PPP2R2B: variants seen among roughly 807,000 people sequenced by gnomAD.
PPP2R2B encodes the protein serine/threonine-protein phosphatase 2A 55 kDa regulatory subunit B beta isoform.
PPP2R2B carries 5 observed loss-of-function variants against 46.0 expected under a neutral mutation model. That is an observed-to-expected ratio of 0.11 (90% CI 0.06 to 0.23). The LOEUF (loss-of-function observed/expected upper bound fraction) is 0.23, where lower values mean the gene tolerates loss of function less well. Ranked by LOEUF, PPP2R2B falls within the 10% of genes least tolerant of loss-of-function variation. The pLI, the probability that PPP2R2B is intolerant of heterozygous loss-of-function variation, is 1.00. For synonymous variants in PPP2R2B, 215 were observed against 206.7 expected, an observed-to-expected ratio of 1.04 and a Z score of -0.34; for missense variants, 367 against 575.0, an observed-to-expected ratio of 0.64 and a Z score of 3.70.
chr5:146,783,671 T>C (rs908097376), intron 2 of PPP2R2B, among the ~76,000 whole-genome samples: 1 of 152,234 alleles, frequency 6.6e-6, no homozygotes, highest in African/African-American at 2.4e-5. Flanking sequence ...TGGATGCTTG[T>C]CTTTGCAATG....
intron 2 of PPP2R2B, among the ~76,000 whole-genome samples, chr5:147,079,441 T>TACAC (rs1757902881): frequency 2.1e-5 from 1 of 47,976 alleles, no homozygotes; most frequent in Non-Finnish European, 4.5e-5. Flanking sequence ...ATTTTATATA[T>TACAC]ATACATATAT....
chr5:146,977,186 TTA>T (rs1752950623), intron 1 of PPP2R2B, among the ~76,000 whole-genome samples: 1 of 152,088 alleles, frequency 6.6e-6, no homozygotes, highest in African/African-American at 2.4e-5. Flanking sequence ...CAAGCTCCCA[TTA>T]TATTATCCTT....
At chr5:146,785,983 A>G (rs945498572) in intron 2 of PPP2R2B, among the ~76,000 whole-genome samples, 1 of 152,166 alleles carries the variant, frequency 6.6e-6, no homozygotes, top group African/African-American at 2.4e-5. Context: ...GGGTGACTAC[A>G]GTTATCAATA....
Position 146,667,270 on chromosome 5 carries a change from A to G in PPP2R2B, c.448-16546T>C, listed in dbSNP as rs928988325. Among the ~76,000 whole-genome samples, 4 of 152,036 alleles carry G rather than the reference A, an allele frequency of 2.6e-5. No homozygotes were observed. The East Asian group carries it at 7.7e-4, about 29-fold the overall frequency. On this transcript the variant is annotated intron_variant, in intron 5 of 9. Coordinates refer to ENST00000394411, the MANE Select transcript of PPP2R2B (RefSeq NM_181675.4). ...GTTATATGAAGTGGATGAAGATGAA[A>G]TAACTCCAGAGAAGAAGGTTTGCTG...
At chr5:146,909,248 C>A (rs1014576786) in intron 1 of PPP2R2B, among the ~76,000 whole-genome samples, 19 of 152,314 alleles carry the variant, frequency 1.2e-4, no homozygotes, top group African/African-American at 4.1e-4. Flanking sequence ...GACATTCCCC[C>A]ACACTAACAT....
chr5:147,052,644 C>G (rs1332747139), intron 1 of PPP2R2B, among the ~76,000 whole-genome samples: 1 of 151,962 alleles, frequency 6.6e-6, no homozygotes, highest in Non-Finnish European at 1.5e-5. Context: ...TTTGAGGAAC[C>G]AAAGAAGGCC....
intron 7 of PPP2R2B, among the ~76,000 whole-genome samples, chr5:146,621,739 C>G (rs1773715802): frequency 6.6e-6 from 1 of 152,234 alleles, no homozygotes; most frequent in Non-Finnish European, 1.5e-5. Flanking sequence ...CTTCCACAGT[C>G]ACTCTAGAAC....
intron 1 of PPP2R2B, among the ~76,000 whole-genome samples, chr5:146,985,521 C>T (rs751903897): frequency 6.6e-6 from 1 of 152,098 alleles, no homozygotes; most frequent in African/African-American, 2.4e-5. Flanking sequence ...TTTCTTCTAG[C>T]GGCTTTGCAC....
intron 1 of PPP2R2B, among the ~76,000 whole-genome samples, chr5:146,895,702 T>C (rs899764605): frequency 2.0e-5 from 3 of 152,214 alleles, no homozygotes; most frequent in East Asian, 3.8e-4. Context: ...ACAAATTTAG[T>C]AATATTTGCA....
chr5:147,022,377 T>G (rs893324715), intron 1 of PPP2R2B, among the ~76,000 whole-genome samples: 1 of 151,098 alleles, frequency 6.6e-6, no homozygotes, highest in African/African-American at 2.4e-5. Flanking sequence ...GTCAACATAA[T>G]GAAGCCCTGT....
chr5:146,642,567 A>G (rs566128552), intron 6 of PPP2R2B, among the ~76,000 whole-genome samples: 1 of 152,328 alleles, frequency 6.6e-6, no homozygotes, highest in East Asian at 1.9e-4. Context: ...TGTAAAAACC[A>G]TAGTGCACAA....
At chr5:146,607,562 T>C (rs1190593738) in intron 7 of PPP2R2B, 1 of 152,250 alleles carries the variant, frequency 6.6e-6, no homozygotes. Flanking sequence ...GAAATTATAT[T>C]GGTCCCTAAG....
At chr5:146,667,128 G>A (rs993506483) in intron 5 of PPP2R2B, among the ~76,000 whole-genome samples, 9 of 152,146 alleles carry the variant, frequency 5.9e-5, no homozygotes, top group Non-Finnish European at 1.0e-4. Flanking sequence ...GAGTTAGGGA[G>A]GTGGAGAAGA....
At chr5:146,603,061 C>A (rs1771934479) in intron 7 of PPP2R2B, among the ~76,000 whole-genome samples, 1 of 152,190 alleles carries the variant, frequency 6.6e-6, no homozygotes, top group South Asian at 2.1e-4. Context: ...CAGTTACTAG[C>A]CATGATCATT....
chr5:146,591,822 C>A (rs539436862), intron 9 of PPP2R2B, among the ~76,000 whole-genome samples: 2 of 152,204 alleles, frequency 1.3e-5, no homozygotes, highest in South Asian at 2.1e-4. Context: ...TGAGGTTGGG[C>A]AGATTACTTT....
At chr5:146,925,937 A>G (rs1175862070) in intron 1 of PPP2R2B, among the ~76,000 whole-genome samples, 1 of 152,018 alleles carries the variant, frequency 6.6e-6, no homozygotes. Context: ...GAAAAATTTT[A>G]AATTACCATT....
At chr5:146,962,614 GCCA>G (rs1381242983) in intron 1 of PPP2R2B, among the ~76,000 whole-genome samples, 2 of 151,840 alleles carry the variant, frequency 1.3e-5, no homozygotes, top group Admixed American at 1.3e-4. Flanking sequence ...CCAAGATCAC[GCCA>G]TTGCACTCCA....
rs1042815253 is a variant in PPP2R2B, at chr5:146,581,254, C to T, written c.*8693G>A. 1 of 152,208 alleles carries T rather than the reference C, an allele frequency of 6.6e-6. No individual in the cohort carries two copies. The highest frequency in any genetic ancestry group is 2.4e-5 in the African/African-American group (1 of 41,432). The allele number at this position is 152,208 out of a possible 1,614,324, so 9.4% of individuals were successfully genotyped here. A position where few individuals can be genotyped will look rare whatever the true frequency, so the allele number is the denominator to read the frequency against. On this transcript the variant is annotated 3_prime_UTR_variant, in exon 10 of 10. Coordinates refer to ENST00000394411, the MANE Select transcript of PPP2R2B (RefSeq NM_181675.4). ...GGCCTCTGGATACTTACAATCATGG[C>T]AGAAGGCAAAGGGGGAGCCAGCATA...
At chr5:147,022,940 G>A (rs535785819) in intron 1 of PPP2R2B, among the ~76,000 whole-genome samples, 1 of 152,172 alleles carries the variant, frequency 6.6e-6, no homozygotes, top group South Asian at 2.1e-4. Context: ...TCATTGTCAT[G>A]CATAAGATTT....
Sources: gnomAD v4.1 joint callset for allele counts (sites outside exome capture counted in the v4.1 genomes callset) on GRCh38, gnomAD v4.1.1 for gene constraint, MANE v1.5 for transcripts, NCBI Gene and HGNC (gene_info 2026-07-23, HGNC 2026-07-21) for gene names.